Variants in TBRG1 observed in about 807,000 individuals in gnomAD.
The protein encoded by TBRG1 is nuclear interactor of ARF and MDM2.
In TBRG1, 31 loss-of-function variants were observed where a neutral mutation model predicts 44.0. The observed-to-expected ratio is 0.70, with a 90% CI of 0.53 to 0.95. The LOEUF (loss-of-function observed/expected upper bound fraction) is 0.95, where lower values mean the gene tolerates loss of function less well. Ranked by LOEUF, TBRG1 falls within the 40% of genes least tolerant of loss-of-function variation. The pLI is 0.00. For synonymous variants in TBRG1, 171 were observed against 188.1 expected (o/e 0.91, Z 0.74); for missense variants, 487 against 496.1 (o/e 0.98, Z 0.18).
intron 8 of TBRG1, 134 bp from the exon 9 acceptor site, chr11:124,631,954 CTATCT>C: frequency 1.4e-6 from 1 of 702,134 alleles, no homozygotes; most frequent in Non-Finnish European, 2.5e-6. Context: ...AGTATCTGTC[CTATCT>C]TAACAAAGGC....
Position 124,632,459 on chromosome 11 carries a change from A to C in TBRG1, c.*221A>C, listed in dbSNP as rs539051377. 2.4e-6 allele frequency: 1 copy of C among 415,380 alleles called. No homozygotes were observed. The highest frequency in any genetic ancestry group is 3.9e-5 in the Admixed American group (1 of 25,354). The allele number at this position is 415,380 out of a possible 1,614,324, so 25.7% of individuals were successfully genotyped here. On this transcript the variant is annotated 3_prime_UTR_variant, in exon 9 of 9. Coordinates refer to ENST00000441174, the MANE Select transcript of TBRG1 (RefSeq NM_032811.3). ...TCAATTCTGTTTACTTTCATCTTGT[A>C]ATCGGGATGTAATCTTTTTTGCTTA...
chr11:124,630,912 A>G, intron 7 of TBRG1, 57 bp downstream of exon 7: 3 of 1,242,098 alleles, frequency 2.4e-6, no homozygotes, highest in South Asian at 2.6e-5. Flanking sequence ...CCGGCCAGGG[A>G]CTGGCAGTTC....
In TBRG1 at chr11:124,631,277, A is replaced by G; in HGVS notation, c.950A>G (p.Tyr317Cys). ...GGTGATTTCCCTTGATTCTGCAGTT[A>G]CCAGTGGGTGAAATTTGATGTGTGC... ...SCPGARKCINYQWVKFDVCKP... is the reference protein window; with the variant it reads ...SCPGARKCINCQWVKFDVCKP... The change falls in exon 8 of 9, where the codon TAC becomes TGC. Residue 317 changes from tyrosine (Y) to cysteine (C), a missense_variant and splice_region_variant. By Grantham distance (194) the Tyr-to-Cys change is radical. Transcript: ENST00000441174. 1 of 1,576,806 alleles carries G rather than the reference A, an allele frequency of 6.3e-7. No homozygotes were observed. The highest frequency in any genetic ancestry group is 1.4e-5 in the African/African-American group (1 of 73,624).
Position 124,625,203 on chromosome 11 carries a change from C to T in TBRG1, c.221+202C>T, listed in dbSNP as rs116493892. ...ACACCCAAGTTATGTTGGGCCATGG[C>T]GATGAGACAGCTCCTCTACTCATCT... On this transcript the variant is annotated intron_variant, in intron 2 of 8. Transcript: ENST00000441174. Among the ~76,000 whole-genome samples the T allele has an allele frequency of 7.6e-3, 1,151 of 152,238 alleles. 12 individuals carry two copies. The highest frequency in any genetic ancestry group is 0.026 in the African/African-American group (1,095 of 41,510).
Position 124,627,059 on chromosome 11 carries a change from T to G in TBRG1, c.738+9T>G. The G allele has an allele frequency of 6.6e-7, 1 of 1,509,504 alleles. No homozygotes were observed. The allele number at this position is 1,509,504 out of a possible 1,614,324, so 93.5% of individuals were successfully genotyped here. ...GTGGTGTGCAGCCTCAGGTACCCCCTCTAATAATAACCACTGTTTGTCTTT... is the reference window on the plus strand; with the variant it reads ...GTGGTGTGCAGCCTCAGGTACCCCCGCTAATAATAACCACTGTTTGTCTTT... On this transcript the variant is annotated intron_variant, in intron 5 of 8. Transcript: ENST00000441174.
Position 124,632,296 on chromosome 11 carries a change from A to G in TBRG1, c.*58A>G, listed in dbSNP as rs1296947791. ...TCGTGATTAATTTAACTTAAACTAA[A>G]ATTTTGGGTATATGAAAGAAGGCAG... On this transcript the variant is annotated 3_prime_UTR_variant, in exon 9 of 9. Coordinates refer to ENST00000441174, the MANE Select transcript of TBRG1 (RefSeq NM_032811.3). The G allele has an allele frequency of 7.2e-6, 11 of 1,536,178 alleles. No individual in the cohort carries two copies. The highest frequency in any genetic ancestry group is 8.9e-6 in the Non-Finnish European group (10 of 1,121,156).
chr11:124,630,706 G>A (rs376298258), intron 6 of TBRG1, 39 bp from the exon 7 acceptor site: 35 of 1,426,876 alleles, frequency 2.5e-5, no homozygotes, highest in African/African-American at 1.8e-4. Flanking sequence ...TTCATCTCCC[G>A]CTAAGCTCTC....
At position 124,626,528 on chromosome 11, in the gene TBRG1, T is replaced by G; in HGVS notation, c.510T>G (p.Val170=). 1.9e-6 allele frequency: 3 copies of G among 1,551,250 alleles called. No individual in the cohort carries two copies. Among genetic ancestry groups the G allele is most frequent in the Non-Finnish European group, 1.7e-6 (2 of 1,146,726 alleles). The change falls in exon 4 of 9, where the codon GTT becomes GTG. Residue 170 remains valine (V), a synonymous_variant. Coordinates refer to ENST00000441174, the MANE Select transcript of TBRG1 (RefSeq NM_032811.3). ...KKMAGGARKL[V]QPIALDPSGR... is the part of the protein sequence containing the mutation. ...TGGCGGGAGGTGCTCGCAAGCTGGTTCAGCCCATTGCCCTGGATCCCTCAG... is the reference window on the plus strand; with the variant it reads ...TGGCGGGAGGTGCTCGCAAGCTGGTGCAGCCCATTGCCCTGGATCCCTCAG...
chr11:124,623,590 A>G (rs1942390417), intron 1 of TBRG1: 1 of 369,634 alleles, frequency 2.7e-6, no homozygotes, highest in African/African-American at 2.1e-5. Flanking sequence ...TTGTAAAATG[A>G]GAACACTGAA....
chr11:124,623,475 T>C, intron 1 of TBRG1: 1 of 611,400 alleles, frequency 1.6e-6, no homozygotes, highest in South Asian at 1.6e-5. Flanking sequence ...GAAAAGTGCT[T>C]GGTGCGTAAA....
rs141471831 is a variant in TBRG1 at position 124,632,379 on chromosome 11, G to C, written c.*141G>C. ...TCATCATGGAAGGTCCTGTGGTGAT[G>C]GTTTTCCCTGGGAAAACCTTCAGCT... On this transcript the variant is annotated 3_prime_UTR_variant, in exon 9 of 9. Transcript: ENST00000441174. The C allele has an allele frequency of 3.5e-6, 2 of 573,834 alleles. No individual in the cohort carries two copies. The highest frequency in any genetic ancestry group is 5.8e-6 in the Non-Finnish European group (2 of 347,632). The allele number at this position is 573,834 out of a possible 1,614,324, so 35.5% of individuals were successfully genotyped here. A position where few individuals can be genotyped will look rare whatever the true frequency, so the allele number is the denominator to read the frequency against.
chr11:124,624,377 A>G lies in TBRG1; in HGVS notation c.151-554A>G, dbSNP rs199961431. ...GTCATCATTTACAAAAAAAAAAAAA[A>G]AAAAAAGAAAAAAGATAATACTTGA... On this transcript the variant is annotated intron_variant, in intron 1 of 8. Coordinates refer to ENST00000441174, the MANE Select transcript of TBRG1 (RefSeq NM_032811.3). Among the ~76,000 whole-genome samples, 323 of 148,570 alleles carry G rather than the reference A, an allele frequency of 2.2e-3. 7 individuals are homozygous for G. The East Asian group carries it at 0.04, about 18-fold the overall frequency.
At chr11:124,625,527 ATT>A in intron 2 of TBRG1, 142 bp from the exon 3 acceptor site, 1 of 699,578 alleles carries the variant, frequency 1.4e-6, no homozygotes, top group Non-Finnish European at 2.3e-6. Flanking sequence ...GGGCTTTATG[ATT>A]CATAGGGCCT....
In TBRG1 at chr11:124,634,587, G is replaced by A. The variant is rs1004457776; in HGVS notation, c.*2349G>A. 9.9e-5 allele frequency: 15 copies of A among 152,092 alleles called. No homozygotes were observed. The highest frequency in any genetic ancestry group is 3.1e-4 in the African/African-American group (13 of 41,400). The allele number at this position is 152,092 out of a possible 1,614,324, so 9.4% of individuals were successfully genotyped here. On this transcript the variant is annotated 3_prime_UTR_variant, in exon 9 of 9. Coordinates refer to ENST00000441174, the MANE Select transcript of TBRG1 (RefSeq NM_032811.3). ...TAAGAACCCTAAGAAATAACTGGAC[G>A]AGTGTGGTATGATGTTTGCATGTGA...
intron 1 of TBRG1, 89 bp downstream of exon 1, chr11:124,623,322 G>C: frequency 1.4e-6 from 2 of 1,413,186 alleles, no homozygotes; most frequent in South Asian, 2.5e-5. Flanking sequence ...CAGTGTGACA[G>C]TATTAATACA....
chr11:124,623,277 C>T, intron 1 of TBRG1, 44 bp downstream of exon 1: 1 of 1,548,980 alleles, frequency 6.5e-7, no homozygotes, highest in Non-Finnish European at 8.7e-7. Context: ...TGGAGACTCC[C>T]TCACAAAATC....
chr11:124,623,526 A>G, intron 1 of TBRG1: 1 of 446,644 alleles, frequency 2.2e-6, no homozygotes, highest in Middle Eastern at 3.4e-4. Context: ...TTACTGCAGG[A>G]CTCTAGGAAA....
In TBRG1 at chr11:124,630,336, C is replaced by G; in HGVS notation, c.739-52C>G. The G allele has an allele frequency of 2.6e-6, 3 of 1,170,230 alleles. No individual in the cohort carries two copies. The South Asian group carries it at 3.7e-5, about 14-fold the overall frequency. 72.5% of individuals were successfully genotyped at this position (1,170,230 alleles called of 1,614,324 possible). A position where few individuals can be genotyped will look rare whatever the true frequency, so the allele number is the denominator to read the frequency against. On this transcript the variant is annotated intron_variant, in intron 5 of 8. Coordinates refer to ENST00000441174, the MANE Select transcript of TBRG1 (RefSeq NM_032811.3). Reference sequence around the variant, plus strand: ...GAAATATTTACAGAGTAGTATGCCCCTCTCTCCTTCCTTCTTGAGGATTGA... The same window carrying G: ...GAAATATTTACAGAGTAGTATGCCCGTCTCTCCTTCCTTCTTGAGGATTGA...
In TBRG1 at chr11:124,634,039, A is replaced by G. The variant is rs1392654503; in HGVS notation, c.*1801A>G. On this transcript the variant is annotated 3_prime_UTR_variant, in exon 9 of 9. Transcript: ENST00000441174. ...TATGTGTAAAATGTTTTTACTATGGATCATGGATTTAAGAAACTTGAAAAG... is the reference window on the plus strand; with the variant it reads ...TATGTGTAAAATGTTTTTACTATGGGTCATGGATTTAAGAAACTTGAAAAG... 2 of 152,266 alleles carry G rather than the reference A, an allele frequency of 1.3e-5. No individual in the cohort carries two copies. The highest frequency in any genetic ancestry group is 2.9e-5 in the Non-Finnish European group (2 of 68,068). The allele number at this position is 152,266 out of a possible 1,614,324, so 9.4% of individuals were successfully genotyped here. A position where few individuals can be genotyped will look rare whatever the true frequency, so the allele number is the denominator to read the frequency against.
Sources: gnomAD v4.1 joint callset for allele counts (sites outside exome capture counted in the v4.1 genomes callset) on GRCh38, gnomAD v4.1.1 for gene constraint, MANE v1.5 for transcripts, NCBI Gene and HGNC (gene_info 2026-07-23, HGNC 2026-07-21) for gene names.